SYTL5: variants seen among roughly 807,000 people sequenced by gnomAD.
SYTL5 encodes synaptotagmin-like protein 5.
In SYTL5, 34 loss-of-function variants were observed where a neutral mutation model predicts 55.9. That is an observed-to-expected ratio of 0.61 (90% CI 0.46 to 0.81). The LOEUF (loss-of-function observed/expected upper bound fraction) is 0.81. SYTL5 is among the 30% of genes least tolerant of loss of function. The probability of loss-of-function intolerance (pLI) is 0.00; values close to 1 mark genes in which losing one functional copy is unlikely to be tolerated. For missense variants in SYTL5, 637 were observed against 546.7 expected (o/e 1.17, Z -1.65); for synonymous variants, 221 against 188.7 (o/e 1.17, Z -1.40).
At chrX:38,054,116 C>A (rs1285748607) in intron 2 of SYTL5, 97 bp from the exon 3 acceptor site, 2 of 665,378 alleles carry the variant, frequency 3.0e-6, no homozygotes, top group Non-Finnish European at 4.5e-6. Flanking sequence ...TTATTTGAGG[C>A]AAATATTCTA....
the SYTL5 span, among the ~76,000 whole-genome samples, chrX:37,918,320 A>C: frequency 1.8e-5 from 2 of 111,788 alleles, no homozygotes; most frequent in Non-Finnish European, 3.8e-5. Context: ...AGATGACAAG[A>C]GCCAAAGCTA....
At chrX:37,893,712 A>T in the SYTL5 span, among the ~76,000 whole-genome samples, 164 of 80,149 alleles carry the variant, frequency 2.0e-3, 1 homozygote, top group African/African-American at 8.2e-3. Context: ...ATCTATAGAT[A>T]AACTATAGAT....
the SYTL5 span, among the ~76,000 whole-genome samples, chrX:37,949,590 G>A: frequency 9.0e-6 from 1 of 111,222 alleles, no homozygotes; most frequent in Non-Finnish European, 1.9e-5. Flanking sequence ...AGAAGAACAG[G>A]TACATTTTGA....
At chrX:37,988,785 G>T in the SYTL5 span, among the ~76,000 whole-genome samples, 2 of 111,945 alleles carry the variant, frequency 1.8e-5, no homozygotes, top group African/African-American at 6.5e-5. Flanking sequence ...TCAGAAAAGG[G>T]AGTTTGTGTT....
the SYTL5 span, among the ~76,000 whole-genome samples, chrX:37,949,661 G>A: frequency 9.0e-6 from 1 of 111,436 alleles, no homozygotes; most frequent in East Asian, 2.8e-4. Flanking sequence ...CCATAATGAG[G>A]GAAGCTTATT....
At chrX:38,111,022 G>T (rs1049376341) in intron 13 of SYTL5, among the ~76,000 whole-genome samples, 2 of 111,977 alleles carry the variant, frequency 1.8e-5, no homozygotes, top group Non-Finnish European at 3.8e-5. Context: ...ATAATTAAAT[G>T]CCAATACTGT....
At chrX:37,975,186 A>G in the SYTL5 span, among the ~76,000 whole-genome samples, 149 of 112,282 alleles carry the variant, frequency 1.3e-3, no homozygotes, top group Non-Finnish European at 2.5e-3. Context: ...AGCAGAACAT[A>G]CATCAGAATT....
In SYTL5 at chrX:38,126,771, T is replaced by A; in HGVS notation, c.*41T>A. 3.4e-6 allele frequency: 4 copies of A among 1,162,478 alleles called. No individual in the cohort carries two copies. The highest frequency in any genetic ancestry group is 4.6e-6 in the Non-Finnish European group (4 of 866,743). ...AAGAATGAGGCCACCAGGACCTATC[T>A]GGCTGTCTTTTCCTACCATTAGCAA... On this transcript the variant is annotated 3_prime_UTR_variant, in exon 17 of 17. Coordinates refer to ENST00000297875, the MANE Select transcript of SYTL5 (RefSeq NM_138780.3).
chrX:37,951,047 T>TAA, the SYTL5 span, among the ~76,000 whole-genome samples: 1 of 101,787 alleles, frequency 9.8e-6, no homozygotes, highest in Non-Finnish European at 2.0e-5. Flanking sequence ...TTACGAGGAA[T>TAA]AAAAAAAAAA....
At chrX:37,984,654 G>C in the SYTL5 span, among the ~76,000 whole-genome samples, 2 of 111,336 alleles carry the variant, frequency 1.8e-5, no homozygotes, top group Admixed American at 9.6e-5. Context: ...GCATTGCCCA[G>C]ATACCAAAGC....
the SYTL5 span, among the ~76,000 whole-genome samples, chrX:37,971,179 G>A: frequency 1.8e-5 from 2 of 110,603 alleles, no homozygotes; most frequent in Non-Finnish European, 3.8e-5. Flanking sequence ...GACGTATTAA[G>A]CATGCCAATA....
At chrX:37,969,133 CA>C in the SYTL5 span, among the ~76,000 whole-genome samples, 1,027 of 111,193 alleles carry the variant, frequency 9.2e-3, 17 homozygotes, top group African/African-American at 0.032. Flanking sequence ...GATCTTTAAG[CA>C]AAAAAACTTA....
In SYTL5 at chrX:38,053,994, A is replaced by G. The variant is rs149534539; in HGVS notation, c.120-219A>G. 0.011 allele frequency among the ~76,000 whole-genome samples: 1,210 copies of G among 111,979 alleles called. 10 individuals carry two copies. The highest frequency in any genetic ancestry group is 0.046 in the Middle Eastern group (10 of 216). On this transcript the variant is annotated intron_variant, in intron 2 of 16. Transcript: ENST00000297875. ...ACTCCTTGATTCAAATGTCCTTCCA[A>G]ATGAAAATATCTCTTGATTAAAGAG...
chrX:37,978,279 A>G, the SYTL5 span, among the ~76,000 whole-genome samples: 5 of 111,583 alleles, frequency 4.5e-5, no homozygotes, highest in Admixed American at 9.5e-5. Context: ...GAGAGAGGCT[A>G]TTAGATGACT....
upstream of SYTL5, among the ~76,000 whole-genome samples, chrX:38,003,504 G>C (rs189843657): frequency 9.0e-6 from 1 of 111,181 alleles, no homozygotes; most frequent in Non-Finnish European, 1.9e-5. Flanking sequence ...AAATACCTAG[G>C]AATCCAACTT....
At chrX:38,077,824 T>A (rs1183243538) in intron 6 of SYTL5, among the ~76,000 whole-genome samples, 2 of 112,266 alleles carry the variant, frequency 1.8e-5, no homozygotes, top group Non-Finnish European at 3.8e-5. Context: ...TAGTTTCATT[T>A]GTCTTCCATT....
the SYTL5 span, chrX:37,949,128 A>G: frequency 8.9e-6 from 1 of 111,842 alleles, no homozygotes; most frequent in South Asian, 3.8e-4. Context: ...CCAATGAGAT[A>G]TAAGGGAAGT....
At chrX:38,098,791 G>A (rs1937006888) in intron 9 of SYTL5, among the ~76,000 whole-genome samples, 1 of 110,575 alleles carries the variant, frequency 9.0e-6, no homozygotes, top group South Asian at 3.8e-4. Flanking sequence ...AATATCTGGT[G>A]AATAGATGGA....
At chrX:38,029,290 C>G (rs1934879308) in intron 1 of SYTL5, among the ~76,000 whole-genome samples, 1 of 112,189 alleles carries the variant, frequency 8.9e-6, no homozygotes, top group Non-Finnish European at 1.9e-5. Context: ...TTCAAACAAT[C>G]CTTTAAACTT....
Sources: gnomAD v4.1 joint callset for allele counts (sites outside exome capture counted in the v4.1 genomes callset) on GRCh38, gnomAD v4.1.1 for gene constraint, MANE v1.5 for transcripts, NCBI Gene and HGNC (gene_info 2026-07-23, HGNC 2026-07-21) for gene names.